Variants in PTPRD observed in about 807,000 individuals in gnomAD.
PTPRD encodes receptor-type tyrosine-protein phosphatase delta.
Under a neutral mutation model 214.5 loss-of-function variants are expected in PTPRD, and 34 were observed. The observed-to-expected ratio is 0.16, with a 90% confidence interval of 0.12 to 0.21. PTPRD has a LOEUF of 0.21. PTPRD is among the 10% of genes least tolerant of loss of function. The pLI is 1.00. For synonymous variants in PTPRD, 1,128 were observed against 845.7 expected (o/e 1.33, Z -5.79); for missense variants, 2,545 against 2,398.7 (o/e 1.06, Z -1.27).
rs1392166911 is a variant in PTPRD at position 9,310,567 on chromosome 9, T to C, written c.-203+86882A>G. Among the ~76,000 whole-genome samples the C allele has an allele frequency of 3.3e-5, 5 of 152,152 alleles. No individual in the cohort carries two copies. The East Asian group carries it at 7.7e-4, about 23-fold the overall frequency. ...CAGAAAGAAATACTTTAATTTGAAA[T>C]GTATTTAATGAGCCGTTATTGAATG... is the stretch of plus-strand genomic sequence containing the variant. On this transcript the variant is annotated intron_variant, in intron 9 of 45. Coordinates refer to ENST00000381196, the MANE Select transcript of PTPRD (RefSeq NM_002839.4).
At chr9:8,373,408 G>A (rs1588960270) in intron 39 of PTPRD, among the ~76,000 whole-genome samples, 1 of 151,806 alleles carries the variant, frequency 6.6e-6, no homozygotes, top group Non-Finnish European at 1.5e-5. Context: ...TCATTGTTTC[G>A]AAGTTGCTAA....
intron 4 of PTPRD, among the ~76,000 whole-genome samples, chr9:9,960,415 G>A (rs1053537427): frequency 3.9e-5 from 6 of 152,100 alleles, no homozygotes; most frequent in Middle Eastern, 3.2e-3. Context: ...CCACTCCTGC[G>A]CTGTGGCCTC....
intron 2 of PTPRD, among the ~76,000 whole-genome samples, chr9:10,371,321 C>T (rs1598344283): frequency 6.6e-6 from 1 of 152,016 alleles, no homozygotes; most frequent in South Asian, 2.1e-4. Flanking sequence ...GTTTATGCTA[C>T]TATCGTTGGC....
intron 11 of PTPRD, among the ~76,000 whole-genome samples, chr9:8,828,710 C>T (rs145125905): frequency 2.0e-5 from 3 of 152,230 alleles, no homozygotes; most frequent in East Asian, 3.9e-4. Flanking sequence ...CTATTATCTA[C>T]GCATCTCTAA....
intron 4 of PTPRD, among the ~76,000 whole-genome samples, chr9:9,949,959 A>C (rs1241531272): frequency 6.6e-6 from 1 of 152,180 alleles, no homozygotes; most frequent in African/African-American, 2.4e-5. Flanking sequence ...TCTGTAAGTC[A>C]GTGTGAAATT....
At chr9:8,673,059 G>T (rs994370745) in intron 12 of PTPRD, among the ~76,000 whole-genome samples, 1 of 151,682 alleles carries the variant, frequency 6.6e-6, no homozygotes, top group Non-Finnish European at 1.5e-5. Context: ...TAAAACACTT[G>T]ATTTTTTTTC....
chr9:9,197,650 A>T (rs957214207), intron 9 of PTPRD, among the ~76,000 whole-genome samples: 1 of 152,130 alleles, frequency 6.6e-6, no homozygotes, highest in Non-Finnish European at 1.5e-5. Flanking sequence ...ACCTCAGGTG[A>T]TCTGCCCGCC....
intron 9 of PTPRD, among the ~76,000 whole-genome samples, chr9:9,235,525 T>C (rs918543442): frequency 1.3e-5 from 2 of 152,174 alleles, no homozygotes; most frequent in Admixed American, 6.6e-5. Flanking sequence ...TCTTCTCCTC[T>C]TGTCTTTTGT....
chr9:10,387,820 C>CTTTT (rs58959929), intron 2 of PTPRD, among the ~76,000 whole-genome samples: 57 of 82,556 alleles, frequency 6.9e-4, no homozygotes, highest in African/African-American at 9.9e-4. Flanking sequence ...AAGATTTTGT[C>CTTTT]TTTTTTTTTT....
At chr9:10,598,231 A>G (rs1942920922) in intron 2 of PTPRD, among the ~76,000 whole-genome samples, 2 of 151,832 alleles carry the variant, frequency 1.3e-5, no homozygotes, top group South Asian at 4.1e-4. Flanking sequence ...GAACTTGAAC[A>G]TATTATATTC....
At chr9:10,211,181 T>C (rs2099515308) in intron 3 of PTPRD, among the ~76,000 whole-genome samples, 1 of 152,088 alleles carries the variant, frequency 6.6e-6, no homozygotes, top group Non-Finnish European at 1.5e-5. Context: ...TTTAGTTTTA[T>C]TGTAATGCCA....
intron 7 of PTPRD, among the ~76,000 whole-genome samples, chr9:9,705,773 TTTAAA>T (rs562328617): frequency 2.8e-4 from 43 of 152,190 alleles, no homozygotes; most frequent in Non-Finnish European, 5.4e-4. Flanking sequence ...CAGAATGATT[TTTAAA>T]TTAAATATCT....
intron 3 of PTPRD, among the ~76,000 whole-genome samples, chr9:10,314,597 CAT>C (rs912625760): frequency 2.0e-5 from 3 of 151,742 alleles, no homozygotes; most frequent in Non-Finnish European, 2.9e-5. Context: ...GGCTGAAATA[CAT>C]ATTTGATAGT....
intron 5 of PTPRD, among the ~76,000 whole-genome samples, chr9:9,865,368 T>G (rs79669342): frequency 0.085 from 12,968 of 152,224 alleles, 1,322 homozygotes; most frequent in African/African-American, 0.25. Flanking sequence ...ATTCCCAGAT[T>G]AATGGATTAA....
intron 8 of PTPRD, among the ~76,000 whole-genome samples, chr9:9,556,617 T>C (rs949625175): frequency 7.9e-5 from 12 of 152,224 alleles, no homozygotes; most frequent in Non-Finnish European, 4.4e-5. Flanking sequence ...CAGTAAGTTA[T>C]TGTTGCTAGG....
chr9:8,827,105 C>T (rs370239198), intron 11 of PTPRD, among the ~76,000 whole-genome samples: 1 of 152,136 alleles, frequency 6.6e-6, no homozygotes, highest in East Asian at 1.9e-4. Context: ...ATTAATTCCT[C>T]TTCTCTAGGC....
At chr9:9,670,337 G>T (rs566882999) in intron 7 of PTPRD, among the ~76,000 whole-genome samples, 26 of 152,216 alleles carry the variant, frequency 1.7e-4, no homozygotes, top group African/African-American at 6.3e-4. Flanking sequence ...TGACTTGGGT[G>T]CCATTAAAGG....
intron 8 of PTPRD, among the ~76,000 whole-genome samples, chr9:9,556,082 C>T (rs2081439823): frequency 6.6e-6 from 1 of 152,024 alleles, no homozygotes; most frequent in African/African-American, 2.4e-5. Context: ...CTATGAATAA[C>T]CTATTATTGA....
chr9:10,054,491 T>C (rs2097585977), intron 3 of PTPRD, among the ~76,000 whole-genome samples: 1 of 152,180 alleles, frequency 6.6e-6, no homozygotes, highest in African/African-American at 2.4e-5. Context: ...CTGTCCATTT[T>C]CTTAGAGCAC....
Sources: allele counts gnomAD v4.1 joint callset (sites outside exome capture counted in the v4.1 genomes callset), GRCh38; gene constraint gnomAD v4.1.1; transcripts MANE v1.5; gene names NCBI Gene and HGNC (gene_info 2026-07-23, HGNC 2026-07-21).